NCAM2: variants seen among roughly 807,000 people sequenced by gnomAD.
NCAM2 encodes the protein neural cell adhesion molecule 2.
NCAM2 carries 30 observed loss-of-function variants against 98.1 expected under a neutral mutation model. The ratio of observed to expected loss-of-function variants is 0.31; its 90% confidence interval spans 0.23 to 0.41. The LOEUF is 0.41. Among genes scored for constraint, NCAM2 ranks in the 10% least tolerant of loss-of-function variants. The probability of loss-of-function intolerance (pLI) is 1.00; values close to 1 mark genes in which losing one functional copy is unlikely to be tolerated. For synonymous variants in NCAM2, 368 were observed against 342.4 expected, an observed-to-expected ratio of 1.07 and a Z score of -0.83; for missense variants, 867 against 1,005.8, an observed-to-expected ratio of 0.86 and a Z score of 1.87.
chr21:21,054,241 C>G (rs746166587), intron 1 of NCAM2, among the ~76,000 whole-genome samples: 1 of 151,858 alleles, frequency 6.6e-6, no homozygotes, highest in Non-Finnish European at 1.5e-5. Context: ...TATTAGGAAC[C>G]TAGGCGTAAG....
At chr21:21,030,337 T>G (rs1374335356) in intron 1 of NCAM2, among the ~76,000 whole-genome samples, 2 of 152,220 alleles carry the variant, frequency 1.3e-5, no homozygotes, top group Non-Finnish European at 2.9e-5. Flanking sequence ...ACCACGATAT[T>G]AATTTTCTAC....
chr21:21,403,959 A>G (rs2076684490), intron 9 of NCAM2, among the ~76,000 whole-genome samples: 3 of 152,052 alleles, frequency 2.0e-5, no homozygotes. Context: ...TAAAGTCACT[A>G]TTTAAGGGGT....
At chr21:21,416,833 A>G (rs1399858308) in intron 10 of NCAM2, among the ~76,000 whole-genome samples, 1 of 152,104 alleles carries the variant, frequency 6.6e-6, no homozygotes, top group Non-Finnish European at 1.5e-5. Flanking sequence ...CTTTCCTAGA[A>G]TACATCAAAT....
At chr21:21,105,234 C>T (rs1390522284) in intron 1 of NCAM2, among the ~76,000 whole-genome samples, 7 of 152,014 alleles carry the variant, frequency 4.6e-5, no homozygotes, top group Non-Finnish European at 4.4e-5. Flanking sequence ...ACTTCATAGA[C>T]AATAGTAGGA....
Position 21,179,827 on chromosome 21 carries a change from A to C in NCAM2, c.56-100751A>C, listed in dbSNP as rs1396242665. Reference sequence around the variant, plus strand: ...CCCCAGGATGTAGCACAGTGTATCCACAGAGGGCGTACTCATCTGTTGTTT... The same window carrying C: ...CCCCAGGATGTAGCACAGTGTATCCCCAGAGGGCGTACTCATCTGTTGTTT... On this transcript the variant is annotated intron_variant, in intron 1 of 17. Transcript: ENST00000400546. Among the ~76,000 whole-genome samples, 4 of 152,250 alleles carry C rather than the reference A, an allele frequency of 2.6e-5. No individual in the cohort carries two copies. The East Asian group carries it at 7.7e-4, about 29-fold the overall frequency.
intron 5 of NCAM2, 56 bp downstream of exon 5, chr21:21,292,297 A>G: frequency 6.5e-7 from 1 of 1,541,642 alleles, no homozygotes; most frequent in Non-Finnish European, 8.8e-7. Flanking sequence ...AATGTTTTTT[A>G]TTAAATGGCA....
chr21:21,488,313 T>C (rs928429589), intron 15 of NCAM2, among the ~76,000 whole-genome samples: 1 of 151,992 alleles, frequency 6.6e-6, no homozygotes, highest in African/African-American at 2.4e-5. Context: ...GTAAGAATAC[T>C]CATTCATTAT....
chr21:21,468,875 T>TA (rs1984068551), intron 14 of NCAM2, 92 bp downstream of exon 14: 4 of 1,109,762 alleles, frequency 3.6e-6, no homozygotes, highest in Non-Finnish European at 5.0e-6. Flanking sequence ...AGAGAATGTG[T>TA]ATTTAGTAAT....
At chr21:21,096,272 A>G (rs1243208218) in intron 1 of NCAM2, among the ~76,000 whole-genome samples, 1 of 151,658 alleles carries the variant, frequency 6.6e-6, no homozygotes, top group African/African-American at 2.4e-5. Flanking sequence ...TTATTTGCAT[A>G]TGTGAATTTA....
rs575996108 is a variant in NCAM2 at position 21,532,156 on chromosome 21, T to A, written c.2283-2381T>A. On this transcript the variant is annotated intron_variant, in intron 16 of 17. Transcript: ENST00000400546. ...AAAAAGTTAAAAATAACCTAAATGT[T>A]TGTCAGTTGGTAACTGGTTAAATAT... 6.0e-4 allele frequency among the ~76,000 whole-genome samples: 91 copies of A among 152,084 alleles called. No homozygotes were observed. In the South Asian group the frequency reaches 0.012, roughly 19 times the overall value.
chr21:21,126,468 T>A (rs935981052), intron 1 of NCAM2, among the ~76,000 whole-genome samples: 6 of 152,076 alleles, frequency 3.9e-5, no homozygotes, highest in African/African-American at 1.4e-4. Flanking sequence ...TGTATTTGTT[T>A]ATATTCCTGT....
intron 1 of NCAM2, among the ~76,000 whole-genome samples, chr21:21,119,198 T>G (rs1026409834): frequency 3.3e-5 from 5 of 152,182 alleles, no homozygotes; most frequent in Admixed American, 3.3e-4. Context: ...CATGTTCTCC[T>G]TAGCATAATG....
intron 1 of NCAM2, among the ~76,000 whole-genome samples, chr21:21,060,167 T>C (rs1180361383): frequency 6.6e-6 from 1 of 152,146 alleles, no homozygotes; most frequent in Non-Finnish European, 1.5e-5. Flanking sequence ...CTGTTAAATT[T>C]AATTGGATTT....
intron 9 of NCAM2, among the ~76,000 whole-genome samples, chr21:21,375,108 A>G (rs1373706890): frequency 6.6e-6 from 1 of 151,564 alleles, no homozygotes; most frequent in Non-Finnish European, 1.5e-5. Context: ...GCACATGTAT[A>G]CATATGTAAC....
rs1254341385 is a variant in NCAM2 at position 21,127,241 on chromosome 21, T to G, written c.55+128623T>G. Among the ~76,000 whole-genome samples, 3 of 152,072 alleles carry G rather than the reference T, an allele frequency of 2.0e-5. No homozygotes were observed. In the East Asian group the frequency reaches 5.8e-4, roughly 29 times the overall value. ...GAAATACATTTCCAAATGTATTTCT[T>G]GATACATTACATTTCAGTTTTTCTC... On this transcript the variant is annotated intron_variant, in intron 1 of 17. Coordinates refer to ENST00000400546, the MANE Select transcript of NCAM2 (RefSeq NM_004540.5).
chr21:21,200,195 G>C (rs2069158132), intron 1 of NCAM2, among the ~76,000 whole-genome samples: 1 of 151,998 alleles, frequency 6.6e-6, no homozygotes. Flanking sequence ...ACCCAGGCTT[G>C]ACCCCTAGTA....
At position 21,192,637 on chromosome 21, in the gene NCAM2, A is replaced by G. The variant is rs79963594; in HGVS notation, c.56-87941A>G. On this transcript the variant is annotated intron_variant, in intron 1 of 17. Transcript: ENST00000400546. ...GTAGAGAAATGAGGAATAAAGGGAG[A>G]ATTTTGGAAAGGACAGCGTAACAAA... Among the ~76,000 whole-genome samples the G allele has an allele frequency of 0.012, 1,767 of 152,228 alleles. 66 individuals are homozygous for G. In the East Asian group the frequency reaches 0.16, roughly 13 times the overall value.
intron 15 of NCAM2, among the ~76,000 whole-genome samples, chr21:21,507,843 GT>G (rs1988090874): frequency 6.7e-6 from 1 of 149,178 alleles, no homozygotes; most frequent in African/African-American, 2.5e-5. Context: ...CTTAACATGT[GT>G]TAAGAATCAT....
At chr21:21,275,263 A>AC in intron 1 of NCAM2, among the ~76,000 whole-genome samples, 1 of 151,770 alleles carries the variant, frequency 6.6e-6, no homozygotes. Context: ...ACACGGTGAA[A>AC]CCCCATCTCT....
Sources: gnomAD v4.1 joint callset for allele counts (sites outside exome capture counted in the v4.1 genomes callset) on GRCh38, gnomAD v4.1.1 for gene constraint, MANE v1.5 for transcripts, NCBI Gene and HGNC (gene_info 2026-07-23, HGNC 2026-07-21) for gene names.